The following GALNTL5 variants were observed in gnomAD, a reference collection of about 807,000 sequenced individuals.
GALNTL5 encodes the protein inactive polypeptide N-acetylgalactosaminyltransferase-like protein 5.
Under a neutral mutation model 51.0 loss-of-function variants are expected in GALNTL5, and 44 were observed. That is an observed-to-expected ratio of 0.86 (90% confidence interval 0.68 to 1.11). The LOEUF is 1.11. Among genes scored for constraint, GALNTL5 ranks in the 50% least tolerant of loss-of-function variants. The pLI, the probability that GALNTL5 is intolerant of heterozygous loss-of-function variation, is 0.00. For missense variants in GALNTL5, 528 were observed against 531.8 expected (o/e 0.99, Z 0.07); for synonymous variants, 192 against 182.8 (o/e 1.05, Z -0.41).
intron 3 of GALNTL5, 54 bp from the exon 4 acceptor site, chr7:151,982,932 C>G (rs764319106): frequency 6.2e-7 from 1 of 1,612,812 alleles, no homozygotes; most frequent in East Asian, 2.2e-5. Context: ...CGAGATGACA[C>G]AACATCCAAG....
rs545058448 is a variant in GALNTL5 at position 151,969,333 on chromosome 7, G to A, written c.248-1612G>A. On this transcript the variant is annotated intron_variant, in intron 2 of 8. Transcript: ENST00000392800. ...TCACATTAAGGCCATGATCTATTTC[G>A]AGTTAATTTTTGTGATGATGTGAGG... Among the ~76,000 whole-genome samples, 18 of 152,224 alleles carry A rather than the reference G, an allele frequency of 1.2e-4. No individual in the cohort carries two copies. The South Asian group carries it at 2.3e-3, about 19-fold the overall frequency.
chr7:151,992,294 G>A (rs2081437375), intron 5 of GALNTL5, among the ~76,000 whole-genome samples: 2 of 152,196 alleles, frequency 1.3e-5, no homozygotes, highest in African/African-American at 2.4e-5. Flanking sequence ...TAGTTACTAT[G>A]TTGATGTGTA....
chr7:151,965,083 C>T (rs2081041684), intron 1 of GALNTL5, among the ~76,000 whole-genome samples: 1 of 152,166 alleles, frequency 6.6e-6, no homozygotes, highest in Non-Finnish European at 1.5e-5. Context: ...CTGGGTTTTG[C>T]TGTGCAGGGC....
At chr7:151,999,218 T>A (rs369065945) in intron 5 of GALNTL5, among the ~76,000 whole-genome samples, 11 of 152,356 alleles carry the variant, frequency 7.2e-5, no homozygotes, top group African/African-American at 2.4e-4. Flanking sequence ...TTTTTTATGG[T>A]TGAATAATAT....
At chr7:152,016,385 C>T (rs1029580780) in intron 8 of GALNTL5, among the ~76,000 whole-genome samples, 6 of 148,268 alleles carry the variant, frequency 4.0e-5, no homozygotes, top group Admixed American at 2.0e-4. Context: ...GCCTGGGCAA[C>T]GAGAGCAAAA....
At chr7:151,990,780 C>A (rs1331875541) in intron 5 of GALNTL5, among the ~76,000 whole-genome samples, 1 of 151,814 alleles carries the variant, frequency 6.6e-6, no homozygotes. Context: ...CTGACTGGGG[C>A]CAAGATGACT....
intron 3 of GALNTL5, among the ~76,000 whole-genome samples, chr7:151,971,913 A>G (rs1418074259): frequency 1.3e-5 from 2 of 152,162 alleles, no homozygotes; most frequent in Non-Finnish European, 2.9e-5. Flanking sequence ...GAGGCTTCCC[A>G]GCCATGTGGA....
intron 2 of GALNTL5, 37 bp from the exon 3 acceptor site, chr7:151,970,908 C>A (rs751499849): frequency 2.6e-6 from 4 of 1,542,166 alleles, no homozygotes; most frequent in South Asian, 1.2e-5. Context: ...TGCTAGTAAG[C>A]CTTTACTTAT....
rs1033264446 is a variant in GALNTL5, at chr7:152,019,757, G to A, written c.1288G>A (p.Asp430Asn). The change falls in exon 9 of 9, where the codon GAT becomes AAT. Residue 430 changes from aspartate (D) to asparagine (N), a missense_variant. By Grantham distance (23) the Asp-to-Asn change is conservative (BLOSUM62 1). Transcript: ENST00000392800. The part of the protein sequence containing the change: ...LGCKSFQWYL[D>N]NVFPELEASV... ...TTGCAAGTCATTTCAGTGGTATTTG[G>A]ATAATGTCTTCCCAGAGTTGGAGGC... 2 of 1,613,874 alleles carry A rather than the reference G, an allele frequency of 1.2e-6. No individual in the cohort carries two copies. Among genetic ancestry groups the A allele is most frequent in the Admixed American group, 1.7e-5 (1 of 60,002 alleles).
intron 5 of GALNTL5, among the ~76,000 whole-genome samples, chr7:151,989,305 C>A (rs1163889113): frequency 6.6e-6 from 1 of 151,738 alleles, no homozygotes; most frequent in African/African-American, 2.4e-5. Context: ...TGGGCGCCAC[C>A]ACACCCAGCT....
intron 5 of GALNTL5, among the ~76,000 whole-genome samples, chr7:151,989,566 C>T (rs950650249): frequency 3.9e-5 from 6 of 152,174 alleles, no homozygotes; most frequent in African/African-American, 1.4e-4. Context: ...GAACATATAT[C>T]TTTGTGTGAT....
At chr7:151,957,743 C>G (rs1324680241) in intron 1 of GALNTL5, 1 of 152,084 alleles carries the variant, frequency 6.6e-6, no homozygotes, top group African/African-American at 2.4e-5. Context: ...ACATATGAAT[C>G]CTCGTTGAAA....
intron 3 of GALNTL5, 39 bp from the exon 4 acceptor site, chr7:151,982,947 T>A: frequency 6.2e-7 from 1 of 1,613,686 alleles, no homozygotes; most frequent in East Asian, 2.2e-5. Flanking sequence ...TCCAAGGCAT[T>A]TAGATGGATG....
intron 7 of GALNTL5, among the ~76,000 whole-genome samples, chr7:152,010,725 G>A (rs2081722875): frequency 6.6e-6 from 1 of 151,644 alleles, no homozygotes; most frequent in Non-Finnish European, 1.5e-5. Context: ...CCGAGATCGT[G>A]CCACTGCATT....
At chr7:151,964,614 C>T (rs149155465) in intron 1 of GALNTL5, among the ~76,000 whole-genome samples, 2 of 152,310 alleles carry the variant, frequency 1.3e-5, no homozygotes, top group East Asian at 3.9e-4. Context: ...ACTGTAAGTC[C>T]ATTAAACCCC....
At chr7:152,016,268 A>G (rs1165164496) in intron 8 of GALNTL5, among the ~76,000 whole-genome samples, 1 of 151,988 alleles carries the variant, frequency 6.6e-6, no homozygotes, top group Admixed American at 6.6e-5. Context: ...GCCGGGCATC[A>G]TGGCACACTC....
At chr7:151,960,401 G>A (rs555115035) in intron 1 of GALNTL5, 1 of 152,354 alleles carries the variant, frequency 6.6e-6, no homozygotes, top group South Asian at 2.1e-4. Flanking sequence ...CCAGCCGCCT[G>A]GAGGGTGGCT....
rs1470028013 is a variant in GALNTL5, at chr7:151,963,222, G to A, written c.-39-3986G>A. The stretch of plus-strand genomic sequence containing the variant: ...GTTCTGCAAATGTTTGTATGATTGC[G>A]TTGACAATTTCCTCTCCATTTTTCT... On this transcript the variant is annotated intron_variant, in intron 1 of 8. Transcript: ENST00000392800. 5.3e-5 allele frequency among the ~76,000 whole-genome samples: 8 copies of A among 152,160 alleles called. No individual in the cohort carries two copies. The East Asian group carries it at 5.8e-4, about 11-fold the overall frequency.
chr7:152,001,846 T>A (rs1586844833), intron 5 of GALNTL5, among the ~76,000 whole-genome samples: 2 of 152,132 alleles, frequency 1.3e-5, no homozygotes, highest in East Asian at 3.9e-4. Flanking sequence ...GATCAAAACA[T>A]GAGATTTTTT....
Sources: gnomAD v4.1 joint callset for allele counts (sites outside exome capture counted in the v4.1 genomes callset) on GRCh38, gnomAD v4.1.1 for gene constraint, MANE v1.5 for transcripts, NCBI Gene and HGNC (gene_info 2026-07-23, HGNC 2026-07-21) for gene names.